CDYL2: variants seen among roughly 807,000 people sequenced by gnomAD.
The protein encoded by CDYL2 is chromodomain Y-like protein 2.
In CDYL2, 23 loss-of-function variants were observed where a neutral mutation model predicts 49.4. The ratio of observed to expected loss-of-function variants is 0.47; its 90% CI spans 0.34 to 0.66. The LOEUF (loss-of-function observed/expected upper bound fraction) is 0.66. CDYL2 is among the 30% of genes least tolerant of loss of function. The pLI, the probability that CDYL2 is intolerant of heterozygous loss-of-function variation, is 0.01. For missense variants in CDYL2, 678 were observed against 656.4 expected, an observed-to-expected ratio of 1.03 and a Z score of -0.36; for synonymous variants, 360 against 268.8, an observed-to-expected ratio of 1.34 and a Z score of -3.32.
Position 80,598,905 on chromosome 16 carries a change from C to CTTTTTTTTTTTTTTTT in CDYL2, c.*5482_*5483insAAAAAAAAAAAAAAAA, listed in dbSNP as rs1905956069. 1 of 152,062 alleles carries CTTTTTTTTTTTTTTTT rather than the reference C, an allele frequency of 6.6e-6. No homozygotes were observed. Among genetic ancestry groups the CTTTTTTTTTTTTTTTT allele is most frequent in the Non-Finnish European group, 1.5e-5 (1 of 68,026 alleles). The allele number at this position is 152,062 out of a possible 1,614,324, so 9.4% of individuals were successfully genotyped here. On this transcript the variant is annotated 3_prime_UTR_variant, in exon 7 of 7. Coordinates refer to ENST00000570137, the MANE Select transcript of CDYL2 (RefSeq NM_152342.4). ...CAGGCTTTGTTAGAATAATGGAATT[C>CTTTTTTTTTTTTTTTT]TTTGGTTCTCGGTTTTATGAAAGGC...
intron 1 of CDYL2, among the ~76,000 whole-genome samples, chr16:80,796,630 G>C (rs1907775843): frequency 6.6e-6 from 1 of 152,070 alleles, no homozygotes; most frequent in African/African-American, 2.4e-5. Flanking sequence ...TAGATCCAAA[G>C]TCTACACCAC....
At chr16:80,773,678 G>C (rs1906984450) in intron 1 of CDYL2, among the ~76,000 whole-genome samples, 1 of 152,004 alleles carries the variant, frequency 6.6e-6, no homozygotes, top group Non-Finnish European at 1.5e-5. Flanking sequence ...TGAAAATTAA[G>C]AAATATACGT....
At chr16:80,689,030 A>G (rs960218117) in intron 1 of CDYL2, among the ~76,000 whole-genome samples, 3 of 152,156 alleles carry the variant, frequency 2.0e-5, no homozygotes, top group African/African-American at 7.2e-5. Flanking sequence ...GTCCTTCCAA[A>G]TGGAAACAAT....
intron 2 of CDYL2, among the ~76,000 whole-genome samples, chr16:80,646,237 G>C (rs1908340191): frequency 6.6e-6 from 1 of 151,972 alleles, no homozygotes; most frequent in African/African-American, 2.4e-5. Context: ...GATGGGGACA[G>C]AGAGCCAAAC....
At chr16:80,707,213 A>G (rs1402480358) in intron 1 of CDYL2, among the ~76,000 whole-genome samples, 1 of 152,204 alleles carries the variant, frequency 6.6e-6, no homozygotes, top group Non-Finnish European at 1.5e-5. Flanking sequence ...TGGTAATCTC[A>G]GCACTTTGGG....
intron 1 of CDYL2, among the ~76,000 whole-genome samples, chr16:80,758,704 A>T (rs995419261): frequency 6.6e-6 from 1 of 151,752 alleles, no homozygotes; most frequent in Non-Finnish European, 1.5e-5. Context: ...CACCACACCC[A>T]GCTAATTTTT....
intron 1 of CDYL2, among the ~76,000 whole-genome samples, chr16:80,712,189 G>GTGTGTA (rs1904634713): frequency 5.3e-5 from 4 of 75,858 alleles, no homozygotes; most frequent in Non-Finnish European, 1.4e-4. Flanking sequence ...GTGTCTGTGT[G>GTGTGTA]TGTATATATA....
At chr16:80,784,751 C>T (rs954772233) in intron 1 of CDYL2, among the ~76,000 whole-genome samples, 1 of 152,080 alleles carries the variant, frequency 6.6e-6, no homozygotes, top group Non-Finnish European at 1.5e-5. Context: ...GTACATAGTC[C>T]TTAAATAGCA....
intron 2 of CDYL2, among the ~76,000 whole-genome samples, chr16:80,682,255 G>C (rs1909995904): frequency 6.6e-6 from 1 of 152,208 alleles, no homozygotes; most frequent in Non-Finnish European, 1.5e-5. Flanking sequence ...ATTGGCTCAA[G>C]TGGGAGTAGA....
intron 2 of CDYL2, among the ~76,000 whole-genome samples, chr16:80,649,233 G>C (rs1047889412): frequency 6.6e-6 from 1 of 152,004 alleles, no homozygotes. Context: ...TGTTATATTG[G>C]GAAAACTAAG....
chr16:80,663,653 C>G (rs1410950354), intron 2 of CDYL2, among the ~76,000 whole-genome samples: 1 of 152,058 alleles, frequency 6.6e-6, no homozygotes, highest in Non-Finnish European at 1.5e-5. Flanking sequence ...AGTGCAGTGG[C>G]ATGATCTTGG....
At chr16:80,638,496 TGGGAA>T (rs1225632939) in intron 2 of CDYL2, among the ~76,000 whole-genome samples, 1 of 152,176 alleles carries the variant, frequency 6.6e-6, no homozygotes, top group African/African-American at 2.4e-5. Context: ...AAACTTTATT[TGGGAA>T]GGCAAAAGAC....
intron 1 of CDYL2, among the ~76,000 whole-genome samples, chr16:80,794,431 A>G (rs1218370191): frequency 1.3e-5 from 2 of 152,166 alleles, no homozygotes; most frequent in East Asian, 3.8e-4. Flanking sequence ...CAGAAGTTCC[A>G]ATATATGTCA....
chr16:80,642,651 G>A (rs1597143858), intron 2 of CDYL2, among the ~76,000 whole-genome samples: 1 of 152,134 alleles, frequency 6.6e-6, no homozygotes, highest in African/African-American at 2.4e-5. Flanking sequence ...GGAGGCCTCA[G>A]AATCATGGAG....
intron 1 of CDYL2, among the ~76,000 whole-genome samples, chr16:80,755,092 C>A (rs1054647161): frequency 6.6e-6 from 1 of 152,192 alleles, no homozygotes; most frequent in Non-Finnish European, 1.5e-5. Context: ...TCAGCCCTCA[C>A]CTCCCCTCTC....
chr16:80,743,640 C>G (rs1409746713), intron 1 of CDYL2, among the ~76,000 whole-genome samples: 1 of 152,134 alleles, frequency 6.6e-6, no homozygotes, highest in Non-Finnish European at 1.5e-5. Context: ...CATCTTAATG[C>G]AAGTAAGATT....
At chr16:80,621,055 C>G in intron 3 of CDYL2, 120 bp from the exon 4 acceptor site, 1 of 1,172,732 alleles carries the variant, frequency 8.5e-7, no homozygotes, top group Non-Finnish European at 1.2e-6. Flanking sequence ...GAATCTGCTT[C>G]TGCCTGTGCA....
At chr16:80,669,891 G>A (rs1909428541) in intron 2 of CDYL2, among the ~76,000 whole-genome samples, 1 of 152,204 alleles carries the variant, frequency 6.6e-6, no homozygotes, top group Non-Finnish European at 1.5e-5. Context: ...TGACTGCAGA[G>A]CGGCCACGAC....
At chr16:80,801,529 C>T (rs1396268417) in intron 1 of CDYL2, among the ~76,000 whole-genome samples, 1 of 152,210 alleles carries the variant, frequency 6.6e-6, no homozygotes, top group African/African-American at 2.4e-5. Flanking sequence ...TCAGCAGACA[C>T]ACAGGTGAAA....
Sources: gnomAD v4.1 joint callset for allele counts (sites outside exome capture counted in the v4.1 genomes callset) on GRCh38, gnomAD v4.1.1 for gene constraint, MANE v1.5 for transcripts, NCBI Gene and HGNC (gene_info 2026-07-23, HGNC 2026-07-21) for gene names.